MAGED1: variants seen among roughly 807,000 people sequenced by gnomAD.
The protein encoded by MAGED1 is MAGE family member D1.
A neutral mutation model predicts 54.1 loss-of-function variants in MAGED1; 3 were observed. That is an observed-to-expected ratio of 0.06 (90% CI 0.03 to 0.14). The LOEUF (loss-of-function observed/expected upper bound fraction) is 0.14. Among genes scored for constraint, MAGED1 ranks in the 10% least tolerant of loss-of-function variants. The probability of loss-of-function intolerance (pLI) is 1.00; values close to 1 mark genes in which losing one functional copy is unlikely to be tolerated. For synonymous variants in MAGED1, 217 were observed against 227.3 expected, an observed-to-expected ratio of 0.95 and a Z score of 0.41; for missense variants, 485 against 623.4, an observed-to-expected ratio of 0.78 and a Z score of 2.36.
intron 3 of MAGED1, chrX:51,896,169 C>A (rs1557364204): frequency 1.9e-5 from 8 of 419,159 alleles, no homozygotes; most frequent in Non-Finnish European, 2.9e-5. Flanking sequence ...ACAGGCAGAA[C>A]CAGTGGTGGA....
chrX:51,889,917 G>T (rs782467884), upstream of MAGED1, among the ~76,000 whole-genome samples: 13 of 112,599 alleles, frequency 1.2e-4, no homozygotes, highest in East Asian at 3.6e-3. Context: ...TCCAAAAAAA[G>T]GTCTTTTGCA....
At chrX:51,867,390 C>T (rs188841060) in intron 1 of MAGED1, among the ~76,000 whole-genome samples, 11 of 111,942 alleles carry the variant, frequency 9.8e-5, no homozygotes, top group African/African-American at 1.6e-4. Flanking sequence ...AATAGGCTAT[C>T]GGCAAGCTGA....
chrX:51,864,162 TGAG>T (rs1306142483), intron 1 of MAGED1, among the ~76,000 whole-genome samples: 5 of 102,376 alleles, frequency 4.9e-5, no homozygotes, highest in African/African-American at 1.8e-4. Flanking sequence ...CAATTTGAGT[TGAG>T]GGGTGTGAGA....
chrX:51,832,805 G>A (rs1465385665), intron 1 of MAGED1, among the ~76,000 whole-genome samples: 1 of 111,283 alleles, frequency 9.0e-6, no homozygotes, highest in African/African-American at 3.3e-5. Flanking sequence ...GGAGTCAAAT[G>A]GGATATCAAG....
At position 51,887,562 on chromosome X, in the gene MAGED1, CA is replaced by C. The variant is rs1353108390; in HGVS notation, c.-36-6702del. Among the ~76,000 whole-genome samples, 4 of 110,218 alleles carry C rather than the reference CA, an allele frequency of 3.6e-5. No homozygotes were observed. In the Admixed American group the frequency reaches 3.9e-4, roughly 11 times the overall value. On this transcript the variant is annotated intron_variant, in intron 1 of 12. Coordinates refer to the MAGED1 transcript ENST00000375772. ...TGCCAGCTGATTTTCGACAAAGGTA[CA>C]AAAACAATTCAAAGGAAGAAGGATC...
At chrX:51,884,658 G>A (rs1053493573) in intron 1 of MAGED1, among the ~76,000 whole-genome samples, 1 of 111,793 alleles carries the variant, frequency 8.9e-6, no homozygotes, top group Non-Finnish European at 1.9e-5. Flanking sequence ...CCCTCATCCC[G>A]AAACCAAAGT....
intron 1 of MAGED1, among the ~76,000 whole-genome samples, chrX:51,870,238 T>C (rs1229768729): frequency 8.9e-6 from 1 of 112,050 alleles, no homozygotes; most frequent in Non-Finnish European, 1.9e-5. Flanking sequence ...TACTGTAATA[T>C]CATTTTTTCT....
At chrX:51,892,943 A>G (rs1330620311), upstream of MAGED1, among the ~76,000 whole-genome samples, 4 of 110,976 alleles carry the variant, frequency 3.6e-5, no homozygotes, top group Non-Finnish European at 3.8e-5. Context: ...CCCAGCACAA[A>G]TCCTGCTGTG....
chrX:51,814,802 A>G (rs1925356842), intron 1 of MAGED1, among the ~76,000 whole-genome samples: 1 of 109,676 alleles, frequency 9.1e-6, no homozygotes, highest in Non-Finnish European at 1.9e-5. Context: ...AAACTAGAAC[A>G]AGTACCATTA....
rs188311934 is a variant in MAGED1, at chrX:51,865,181, T to A, written c.-36-29088T>A. On this transcript the variant is annotated intron_variant, in intron 1 of 12. Transcript: ENST00000375772. ...ATTGAAGATTTCTAAATTTTGTTTC[T>A]CTTTCTCTTTAAGATTGTAATTTTT... Among the ~76,000 whole-genome samples, 42 of 112,589 alleles carry A rather than the reference T, an allele frequency of 3.7e-4. No individual in the cohort carries two copies. In the East Asian group the frequency reaches 8.9e-3, roughly 24 times the overall value.
intron 1 of MAGED1, among the ~76,000 whole-genome samples, chrX:51,837,240 C>CA (rs1926286483): frequency 8.9e-6 from 1 of 111,978 alleles, no homozygotes; most frequent in African/African-American, 3.2e-5. Flanking sequence ...CCATCTTGCC[C>CA]AGAAGTGCAA....
chrX:51,878,298 G>A (rs1238246312), intron 1 of MAGED1, among the ~76,000 whole-genome samples: 1 of 111,408 alleles, frequency 9.0e-6, no homozygotes, highest in Non-Finnish European at 1.9e-5. Context: ...CAATATGAAG[G>A]AAGGTGTAAT....
At chrX:51,864,476 GTTC>G (rs1927395805) in intron 1 of MAGED1, among the ~76,000 whole-genome samples, 1 of 111,386 alleles carries the variant, frequency 9.0e-6, no homozygotes, top group Non-Finnish European at 1.9e-5. Flanking sequence ...CTCTGACTTT[GTTC>G]TTCTTATTCA....
At chrX:51,846,643 C>T (rs146977489) in intron 1 of MAGED1, among the ~76,000 whole-genome samples, 1 of 111,727 alleles carries the variant, frequency 9.0e-6, no homozygotes, top group Non-Finnish European at 1.9e-5. Context: ...ATAGCAGCTT[C>T]TGCTTCTGGG....
rs939578719 is a variant in MAGED1, at chrX:51,900,690, C to T, written c.1959+394C>T. On this transcript the variant is annotated intron_variant, in intron 11 of 12. Coordinates refer to ENST00000326587, the MANE Select transcript of MAGED1 (RefSeq NM_006986.4). ...TGTTGCCCAGGCTAGAGTGCAGTGG[C>T]GCAATCTTGGCTCACTGCAACCTCT... 1.3e-4 allele frequency among the ~76,000 whole-genome samples: 14 copies of T among 111,509 alleles called. No homozygotes were observed. The East Asian group carries it at 1.7e-3, about 13-fold the overall frequency.
chrX:51,859,392 G>A (rs1266810881), intron 1 of MAGED1, among the ~76,000 whole-genome samples: 1 of 111,031 alleles, frequency 9.0e-6, no homozygotes, highest in African/African-American at 3.3e-5. Flanking sequence ...GGCTTATATG[G>A]TACCTTTGTG....
intron 1 of MAGED1, among the ~76,000 whole-genome samples, chrX:51,819,567 G>A (rs782431609): frequency 1.8e-5 from 2 of 110,793 alleles, no homozygotes; most frequent in South Asian, 7.8e-4. Flanking sequence ...GATGTTGAAC[G>A]TATTTCCATG....
intron 1 of MAGED1, among the ~76,000 whole-genome samples, chrX:51,811,880 T>C (rs1838339401): frequency 9.0e-6 from 1 of 111,298 alleles, no homozygotes; most frequent in African/African-American, 3.3e-5. Context: ...TTAGGATGGA[T>C]TGATAAGTCT....
intron 11 of MAGED1, 97 bp from the exon 12 acceptor site, chrX:51,901,456 T>G: frequency 2.5e-6 from 2 of 788,877 alleles, no homozygotes; most frequent in Non-Finnish European, 3.5e-6. Flanking sequence ...TGTATCACAT[T>G]GTCCTTATCC....
Sources: allele counts gnomAD v4.1 joint callset (sites outside exome capture counted in the v4.1 genomes callset), GRCh38; gene constraint gnomAD v4.1.1; transcripts MANE v1.5; gene names NCBI Gene and HGNC (gene_info 2026-07-23, HGNC 2026-07-21).